The following DNAH8 variants were observed in gnomAD, a reference collection of about 807,000 sequenced individuals.
The protein encoded by DNAH8 is axonemal beta dynein heavy chain 8.
DNAH8 carries 382 observed loss-of-function variants against 562.1 expected under a neutral mutation model. The observed-to-expected ratio is 0.68, with a 90% confidence interval of 0.63 to 0.74. DNAH8 has a LOEUF of 0.74. Among genes scored for constraint, DNAH8 ranks in the 30% least tolerant of loss-of-function variants. The probability of loss-of-function intolerance (pLI) is 0.00; values close to 1 mark genes in which losing one functional copy is unlikely to be tolerated. For missense variants in DNAH8, 5,203 were observed against 5,620.4 expected, an observed-to-expected ratio of 0.93 and a Z score of 2.37; for synonymous variants, 1,881 against 1,919.4, an observed-to-expected ratio of 0.98 and a Z score of 0.52.
At position 38,842,648 on chromosome 6, in the gene DNAH8, C is replaced by G. The variant is rs1228058493; in HGVS notation, c.4605-15C>G. 4 of 1,602,450 alleles carry G rather than the reference C, an allele frequency of 2.5e-6. No individual in the cohort carries two copies. The East Asian group carries it at 6.7e-5, about 27-fold the overall frequency. On this transcript the variant is annotated splice_polypyrimidine_tract_variant and intron_variant, in intron 34 of 92. Coordinates refer to ENST00000327475, the MANE Select transcript of DNAH8 (RefSeq NM_001206927.2). Reference sequence around the variant, plus strand: ...TGTGAAGGTGGCATATTTTTTTTCTCTTTCTTTCTGAAAGATGTCGTAAAC... The same window carrying G: ...TGTGAAGGTGGCATATTTTTTTTCTGTTTCTTTCTGAAAGATGTCGTAAAC...
At chr6:38,944,029 A>C (rs1033828941) in intron 79 of DNAH8, among the ~76,000 whole-genome samples, 1 of 152,192 alleles carries the variant, frequency 6.6e-6, no homozygotes, top group African/African-American at 2.4e-5. Context: ...AGTTTAGGAA[A>C]CACAAAGGTA....
chr6:38,921,248 G>A (rs75557326), intron 70 of DNAH8, 121 bp from the exon 71 acceptor site: 14,331 of 1,172,676 alleles, frequency 0.012, 155 homozygotes, highest in South Asian at 0.033. Flanking sequence ...CTGAAGACAC[G>A]GAAACAGATG....
intron 1 of DNAH8, among the ~76,000 whole-genome samples, chr6:38,720,879 T>G (rs149861956): frequency 0.021 from 3,161 of 151,930 alleles, 37 homozygotes; most frequent in Non-Finnish European, 0.032. Flanking sequence ...TCAGAGAAGG[T>G]TAACAAAGAG....
At chr6:38,784,186 A>G (rs561325613) in intron 17 of DNAH8, among the ~76,000 whole-genome samples, 4 of 152,304 alleles carry the variant, frequency 2.6e-5, no homozygotes, top group African/African-American at 9.6e-5. Context: ...GTGCTGTGCT[A>G]TATGGTAGGA....
chr6:38,741,457 C>A (rs1375566538), intron 7 of DNAH8, among the ~76,000 whole-genome samples: 1 of 134,460 alleles, frequency 7.4e-6, no homozygotes, highest in Non-Finnish European at 1.7e-5. Flanking sequence ...TACCTCCCCC[C>A]CGACCAAAAA....
intron 10 of DNAH8, among the ~76,000 whole-genome samples, chr6:38,760,380 C>T (rs1766370415): frequency 6.6e-6 from 1 of 151,950 alleles, no homozygotes; most frequent in African/African-American, 2.4e-5. Flanking sequence ...TTCTTGTTTC[C>T]TTTGTAGGTA....
At chr6:38,938,327 C>A in intron 78 of DNAH8, 101 bp downstream of exon 78, 1 of 1,384,856 alleles carries the variant, frequency 7.2e-7, no homozygotes, top group Non-Finnish European at 9.8e-7. Context: ...ATAGCAAAGA[C>A]ATGGAATCAA....
At chr6:38,746,219 C>T (rs1764917678) in intron 8 of DNAH8, among the ~76,000 whole-genome samples, 1 of 152,064 alleles carries the variant, frequency 6.6e-6, no homozygotes, top group Admixed American at 6.5e-5. Flanking sequence ...GTATTTATTT[C>T]ATGCTTTTGG....
At chr6:38,756,154 A>C in intron 10 of DNAH8, 75 bp downstream of exon 10, 1 of 949,778 alleles carries the variant, frequency 1.1e-6, no homozygotes, top group Admixed American at 1.8e-5. Flanking sequence ...AGCCCTAGGA[A>C]GGGAATTTGG....
In DNAH8 at chr6:38,729,824, G is replaced by A. The variant is rs374870194; in HGVS notation, c.526-78G>A. The A allele has an allele frequency of 1.6e-4, 121 of 760,968 alleles. No homozygotes were observed. The East Asian group carries it at 2.9e-3, about 18-fold the overall frequency. The allele number at this position is 760,968 out of a possible 1,614,324, so 47.1% of individuals were successfully genotyped here. On this transcript the variant is annotated intron_variant, in intron 3 of 92. Coordinates refer to ENST00000327475, the MANE Select transcript of DNAH8 (RefSeq NM_001206927.2). ...ATGTACCTTTGAATAAACTCTTTGA[G>A]CTTCATCTTCTTCATCTGCAAAATA...
At chr6:38,937,293 A>C (rs1380361063) in intron 77 of DNAH8, among the ~76,000 whole-genome samples, 1 of 152,066 alleles carries the variant, frequency 6.6e-6, no homozygotes, top group Non-Finnish European at 1.5e-5. Flanking sequence ...AACATGGCCC[A>C]TGTATACCTA....
intron 56 of DNAH8, among the ~76,000 whole-genome samples, chr6:38,884,410 C>T (rs1176922285): frequency 6.6e-6 from 1 of 152,202 alleles, no homozygotes; most frequent in African/African-American, 2.4e-5. Flanking sequence ...CTCCCTTCCT[C>T]AGCCACCTGA....
chr6:39,019,624 T>C (rs573855069), intron 91 of DNAH8, among the ~76,000 whole-genome samples: 1 of 152,084 alleles, frequency 6.6e-6, no homozygotes, highest in South Asian at 2.1e-4. Context: ...GGGATTGCGG[T>C]TTTGCCAGGC....
intron 92 of DNAH8, among the ~76,000 whole-genome samples, chr6:39,027,160 C>T (rs1271552761): frequency 3.3e-5 from 5 of 151,726 alleles, no homozygotes; most frequent in East Asian, 2.0e-4. Context: ...GCTTGAGCCC[C>T]GGAGGTTGAG....
chr6:38,957,880 A>AC (rs1320970324), intron 82 of DNAH8, among the ~76,000 whole-genome samples: 4 of 151,520 alleles, frequency 2.6e-5, no homozygotes, highest in East Asian at 3.9e-4. Context: ...AAAAAAAAAA[A>AC]AAAAAAACAA....
At chr6:38,887,099 T>G (rs2150477603) in intron 57 of DNAH8, 95 bp downstream of exon 57, 1 of 870,778 alleles carries the variant, frequency 1.1e-6, no homozygotes, top group Non-Finnish European at 1.8e-6. Flanking sequence ...CTGTCTAAAG[T>G]GGGGTTAGGT....
chr6:38,803,859 C>T (rs1164914839), intron 22 of DNAH8, among the ~76,000 whole-genome samples: 4 of 151,794 alleles, frequency 2.6e-5, no homozygotes, highest in Non-Finnish European at 5.9e-5. Context: ...AAATGGTACC[C>T]AGTTGAAGAG....
Position 38,874,038 on chromosome 6 carries a change from T to TTTTCTTTC in DNAH8, c.7620+686_7620+693dup, listed in dbSNP as rs1554124108. ...CCTCTTTCTTTCCCTTTTTCTTTTCTTTTCTTTCTTTCTTTCTTTCTTTCT... is the reference window on the plus strand; with the variant it reads ...CCTCTTTCTTTCCCTTTTTCTTTTCTTTTCTTTCTTTCTTTCTTTCTTTCTTTCTTTCT... On this transcript the variant is annotated intron_variant, in intron 52 of 92. Coordinates refer to ENST00000327475, the MANE Select transcript of DNAH8 (RefSeq NM_001206927.2). Among the ~76,000 whole-genome samples the TTTTCTTTC allele has an allele frequency of 1.1e-3, 24 of 21,074 alleles. 5 individuals carry two copies. Among genetic ancestry groups the TTTTCTTTC allele is most frequent in the South Asian group, 4.6e-3 (2 of 436 alleles). The allele number at this position is 21,074 out of a possible 152,430, so 13.8% of individuals were successfully genotyped here.
Position 38,915,215 on chromosome 6 carries a change from C to A in DNAH8, c.9978C>A (p.Val3326=). The A allele has an allele frequency of 6.3e-7, 1 of 1,599,694 alleles. No individual in the cohort carries two copies. The highest frequency in any genetic ancestry group is 8.5e-7 in the Non-Finnish European group (1 of 1,175,298). ...CAACTTAACAGGTATTAGCAGAAGT[C>A]ACAGTAAGCGCTCAGGCTTCAGCCA... ...SIKADEVLAE[V]TVSAQASAKI... is the part of the protein sequence containing the mutation. The change falls in exon 68 of 93, where the codon GTC becomes GTA. Residue 3326 remains valine (V), a synonymous_variant. Transcript: ENST00000327475.
Sources: gnomAD v4.1 joint callset for allele counts (sites outside exome capture counted in the v4.1 genomes callset) on GRCh38, gnomAD v4.1.1 for gene constraint, MANE v1.5 for transcripts, NCBI Gene and HGNC (gene_info 2026-07-23, HGNC 2026-07-21) for gene names.